The following FAM217A variants were observed in gnomAD, a reference collection of about 807,000 sequenced individuals.
FAM217A encodes protein FAM217A.
Under a neutral mutation model 18.5 loss-of-function variants are expected in FAM217A, and 13 were observed. The observed-to-expected ratio is 0.70, with a 90% CI of 0.46 to 1.12. The LOEUF (loss-of-function observed/expected upper bound fraction) is 1.12. Among genes scored for constraint, FAM217A ranks in the 50% most tolerant of loss-of-function variants. The pLI, the probability that FAM217A is intolerant of heterozygous loss-of-function variation, is 0.00. For synonymous variants in FAM217A, 161 were observed against 202.8 expected (o/e 0.79, Z 1.75); for missense variants, 560 against 575.4 (o/e 0.97, Z 0.27).
At chr6:4,071,765 T>C (rs1020633093) in intron 6 of FAM217A, among the ~76,000 whole-genome samples, 1 of 152,190 alleles carries the variant, frequency 6.6e-6, no homozygotes, top group African/African-American at 2.4e-5. Flanking sequence ...TAGAACTTGA[T>C]TTCCCCCTTG....
upstream of FAM217A, among the ~76,000 whole-genome samples, chr6:4,082,421 A>C (rs1053401184): frequency 1.3e-5 from 2 of 152,232 alleles, no homozygotes; most frequent in African/African-American, 4.8e-5. Context: ...TCTCCCTCCG[A>C]GGCTAGCCTG....
chr6:4,084,114 A>G (rs1770485270), upstream of FAM217A, among the ~76,000 whole-genome samples: 1 of 152,180 alleles, frequency 6.6e-6, no homozygotes, highest in Non-Finnish European at 1.5e-5. Flanking sequence ...ATGAGCATTC[A>G]TCTTAAATAT....
intron 2 of FAM217A, among the ~76,000 whole-genome samples, chr6:4,076,976 T>G (rs1769841614): frequency 6.6e-6 from 1 of 152,220 alleles, no homozygotes; most frequent in South Asian, 2.1e-4. Flanking sequence ...TCTGACAGTT[T>G]GCAAATTTCT....
upstream of FAM217A, among the ~76,000 whole-genome samples, chr6:4,082,358 C>T (rs1412144458): frequency 6.6e-6 from 1 of 152,208 alleles, no homozygotes; most frequent in East Asian, 1.9e-4. Context: ...GAAATAGCCT[C>T]AGAAACACGT....
upstream of FAM217A, chr6:4,087,317 A>T: frequency 8.1e-7 from 1 of 1,232,200 alleles, no homozygotes; most frequent in Non-Finnish European, 1.0e-6. Context: ...GATATTTTCA[A>T]TGGGCTGGTT....
rs149448787 is a variant in FAM217A at position 4,069,572 on chromosome 6, G to C, written c.651C>G (p.Ser217Arg). 1 of 1,613,998 alleles carries C rather than the reference G, an allele frequency of 6.2e-7. No homozygotes were observed. Among genetic ancestry groups the C allele is most frequent in the Non-Finnish European group, 8.5e-7 (1 of 1,179,988 alleles). ...AGTTCAGGTCCACCTTTTTAAAATA[G>C]CTGAGTAAAGTATCATTTGTCTTCT... ...ENEKTNDTLL[S>R]YFKKVDLNLK... Residue 217 changes from serine (S) to arginine (R), a missense_variant, in exon 7 of 7, where the codon AGC becomes AGG. Ser to Arg is a moderately radical substitution (Grantham distance 110). Coordinates refer to ENST00000274673, the MANE Select transcript of FAM217A (RefSeq NM_173563.3).
chr6:4,082,396 GTC>G (rs1770360864), upstream of FAM217A, among the ~76,000 whole-genome samples: 1 of 152,112 alleles, frequency 6.6e-6, no homozygotes, highest in Non-Finnish European at 1.5e-5. Context: ...CTGCCCTCCT[GTC>G]TCTCAGTCCC....
At position 4,078,836 on chromosome 6, in the gene FAM217A, G is replaced by A. The variant is rs1770050571; in HGVS notation, c.-35+16C>T. On this transcript the variant is annotated intron_variant, in intron 1 of 6. Transcript: ENST00000274673. ...GGGGGCTGCGGGATTCCCCGGGGCCGGGGCTCTCAACCCACCGCGCGAAGG... is the reference window on the plus strand; with the variant it reads ...GGGGGCTGCGGGATTCCCCGGGGCCAGGGCTCTCAACCCACCGCGCGAAGG... 2 of 453,164 alleles carry A rather than the reference G, an allele frequency of 4.4e-6. No individual in the cohort carries two copies. The highest frequency in any genetic ancestry group is 2.0e-5 in the African/African-American group (1 of 49,138). 28.1% of individuals were successfully genotyped at this position (453,164 alleles called of 1,614,324 possible).
At chr6:4,085,425 C>G (rs1009113117) in intron 1 of FAM217A, among the ~76,000 whole-genome samples, 8 of 151,952 alleles carry the variant, frequency 5.3e-5, no homozygotes, top group Admixed American at 2.6e-4. Context: ...CAGCATGCAT[C>G]AGATAACTAT....
At position 4,069,680 on chromosome 6, in the gene FAM217A, T is replaced by C; in HGVS notation, c.543A>G (p.Leu181=). 1 of 1,614,178 alleles carries C rather than the reference T, an allele frequency of 6.2e-7. No individual in the cohort carries two copies. Among genetic ancestry groups the C allele is most frequent in the South Asian group, 1.1e-5 (1 of 91,084 alleles). The part of the protein sequence containing the change: ...STIENNDGET[L]PAPNWNLKHG... ...GTTTCAAATTCCAATTTGGAGCAGGTAATGTTTCACCATCATTGTTTTCTA... is the reference window on the plus strand; with the variant it reads ...GTTTCAAATTCCAATTTGGAGCAGGCAATGTTTCACCATCATTGTTTTCTA... Residue 181 remains leucine (L), a synonymous_variant, in exon 7 of 7, where the codon TTA becomes TTG. Coordinates refer to ENST00000274673, the MANE Select transcript of FAM217A (RefSeq NM_173563.3).
chr6:4,077,097 C>A (rs1769853880), intron 2 of FAM217A, among the ~76,000 whole-genome samples: 1 of 152,182 alleles, frequency 6.6e-6, no homozygotes, highest in Admixed American at 6.5e-5. Context: ...TGGTTGATAA[C>A]AAGGCAGCAC....
At chr6:4,073,623 T>C in intron 4 of FAM217A, 116 bp from the exon 5 acceptor site, 1 of 742,828 alleles carries the variant, frequency 1.3e-6, no homozygotes, top group Non-Finnish European at 2.1e-6. Context: ...AATGACACTT[T>C]GTTTATATAC....
upstream of FAM217A, among the ~76,000 whole-genome samples, chr6:4,080,674 C>G (rs557618175): frequency 6.6e-6 from 1 of 152,220 alleles, no homozygotes; most frequent in African/African-American, 2.4e-5. Context: ...CTGCAGCCAT[C>G]CCTTAGGTAT....
In FAM217A at chr6:4,074,425, C is replaced by T. The variant is rs371421865; in HGVS notation, c.159+18G>A. On this transcript the variant is annotated intron_variant, in intron 4 of 6. Transcript: ENST00000274673. ...CGTATGTTTTATGAATACCTTAAAA[C>T]CAAACATTCATCCTTACCTTGTTAA... The T allele has an allele frequency of 6.4e-7, 1 of 1,568,572 alleles. No homozygotes were observed. The highest frequency in any genetic ancestry group is 1.1e-5 in the South Asian group (1 of 87,792).
upstream of FAM217A, among the ~76,000 whole-genome samples, chr6:4,080,503 G>A (rs1425857549): frequency 2.0e-5 from 3 of 152,240 alleles, no homozygotes; most frequent in Admixed American, 1.3e-4. Context: ...CACAATCGAT[G>A]TAAGTGAACG....
intron 1 of FAM217A, among the ~76,000 whole-genome samples, chr6:4,085,393 T>C (rs1770594351): frequency 6.6e-6 from 1 of 151,890 alleles, no homozygotes; most frequent in South Asian, 2.1e-4. Context: ...AATTGTGACC[T>C]ACTTCAGATT....
At chr6:4,087,108 C>T (rs190890357), upstream of FAM217A, 881 of 402,378 alleles carry the variant, frequency 2.2e-3, 7 homozygotes, top group Admixed American at 3.5e-3. Context: ...CTTGGGGCCT[C>T]GTAGGTCTGT....
chr6:4,069,189 C>T lies in FAM217A; in HGVS notation c.1034G>A (p.Cys345Tyr). Reference protein sequence around the residue: ...LCDSLSLQIPCVDKSQEKSKN... With the variant: ...LCDSLSLQIPYVDKSQEKSKN... ...ACTTTTTTCTTGACTTTTATCTACA[C>T]AAGGTATCTGAAGACTCAAAGAGTC... Residue 345 changes from cysteine to tyrosine, a missense_variant, in exon 7 of 7, where the codon TGT becomes TAT. By Grantham distance (194) the Cys-to-Tyr change is radical. Transcript: ENST00000274673. 1 of 1,602,848 alleles carries T rather than the reference C, an allele frequency of 6.2e-7. No individual in the cohort carries two copies. Among genetic ancestry groups the T allele is most frequent in the African/African-American group, 1.3e-5 (1 of 74,540 alleles).
intron 2 of FAM217A, among the ~76,000 whole-genome samples, chr6:4,076,100 G>A (rs867619573): frequency 2.1e-4 from 32 of 151,340 alleles, no homozygotes; most frequent in Middle Eastern, 6.5e-3. Context: ...AGGCCGAGGC[G>A]GGCAGATCAC....
Sources: gnomAD v4.1 joint callset for allele counts (sites outside exome capture counted in the v4.1 genomes callset) on GRCh38, gnomAD v4.1.1 for gene constraint, MANE v1.5 for transcripts, NCBI Gene and HGNC (gene_info 2026-07-23, HGNC 2026-07-21) for gene names.